FMO1: variants seen among roughly 807,000 people sequenced by gnomAD.
FMO1 encodes the protein flavin-containing monooxygenase 1.
Under a neutral mutation model 45.4 loss-of-function variants are expected in FMO1, and 36 were observed. That is an observed-to-expected ratio of 0.79 (90% confidence interval 0.61 to 1.05). FMO1 has a LOEUF of 1.05. Among genes scored for constraint, FMO1 ranks in the 50% least tolerant of loss-of-function variants. The pLI is 0.00. For synonymous variants in FMO1, 228 were observed against 227.2 expected (o/e 1.00, Z -0.03); for missense variants, 615 against 640.3 (o/e 0.96, Z 0.43).
intron 7 of FMO1, 65 bp downstream of exon 7, chr1:171,282,398 G>A: frequency 9.8e-7 from 1 of 1,022,156 alleles, no homozygotes. Flanking sequence ...TACTGGAAAT[G>A]TTGAGACTAT....
At position 171,279,243 on chromosome 1, in the gene FMO1, C is replaced by T. The variant is rs574156519; in HGVS notation, c.627+372C>T. ...TTCCTCTCCTTATTAATTACCAACA[C>T]CCTCATCAGGTCCATGCTACCTCAC... is the stretch of plus-strand genomic sequence containing the variant. On this transcript the variant is annotated intron_variant, in intron 5 of 8. Transcript: ENST00000617670. Among the ~76,000 whole-genome samples, 38 of 152,228 alleles carry T rather than the reference C, an allele frequency of 2.5e-4. No individual in the cohort carries two copies. The South Asian group carries it at 7.3e-3, about 29-fold the overall frequency.
chr1:171,279,079 C>A (rs555117239), intron 5 of FMO1, among the ~76,000 whole-genome samples: 3 of 147,216 alleles, frequency 2.0e-5, no homozygotes, highest in Non-Finnish European at 3.0e-5. Context: ...ACTTCTCTGA[C>A]TTCTTTTTAC....
intron 1 of FMO1, among the ~76,000 whole-genome samples, chr1:171,256,272 C>CAA (rs34529047): frequency 1.7e-3 from 131 of 77,988 alleles, no homozygotes; most frequent in Non-Finnish European, 2.4e-3. Context: ...GACTCCATCT[C>CAA]AAAAAAAAAA....
chr1:171,276,048 C>T (rs142624467), intron 4 of FMO1, among the ~76,000 whole-genome samples: 49 of 152,250 alleles, frequency 3.2e-4, no homozygotes, highest in African/African-American at 1.0e-3. Context: ...GTTTTCTTAT[C>T]GGCCTTTTGC....
chr1:171,270,246 G>C (rs1489766184), intron 3 of FMO1, among the ~76,000 whole-genome samples: 2 of 152,212 alleles, frequency 1.3e-5, no homozygotes, highest in South Asian at 4.1e-4. Flanking sequence ...TCTTCAGTTT[G>C]TAAATGTAAG....
intron 3 of FMO1, among the ~76,000 whole-genome samples, chr1:171,269,673 C>G (rs1260686109): frequency 2.0e-5 from 3 of 152,022 alleles, no homozygotes; most frequent in East Asian, 3.8e-4. Context: ...CACAAAATTG[C>G]CAAATTGTTC....
chr1:171,256,784 T>C (rs1660178666), intron 1 of FMO1, among the ~76,000 whole-genome samples: 1 of 152,154 alleles, frequency 6.6e-6, no homozygotes, highest in Admixed American at 6.6e-5. Flanking sequence ...ATATCCAGCT[T>C]TGAGAAGAGA....
At chr1:171,271,758 G>A in intron 3 of FMO1, 1 of 462,124 alleles carries the variant, frequency 2.2e-6, no homozygotes, top group Non-Finnish European at 3.8e-6. Flanking sequence ...AGGGTATCTG[G>A]CAGAAGAAAT....
At chr1:171,253,568 C>T (rs1660001102) in intron 1 of FMO1, among the ~76,000 whole-genome samples, 1 of 151,994 alleles carries the variant, frequency 6.6e-6, no homozygotes. Context: ...TCGAGACCAG[C>T]CTAACCGACA....
chr1:171,265,620 A>G (rs1232521633), intron 2 of FMO1, among the ~76,000 whole-genome samples: 1 of 152,250 alleles, frequency 6.6e-6, no homozygotes, highest in Admixed American at 6.5e-5. Context: ...ACAGAGAGTC[A>G]TCATTACCTT....
chr1:171,269,127 G>A (rs1223705151), intron 3 of FMO1, among the ~76,000 whole-genome samples: 1 of 152,142 alleles, frequency 6.6e-6, no homozygotes, highest in South Asian at 2.1e-4. Context: ...TAAATTGCCA[G>A]GTCTCTGGTA....
Position 171,275,473 on chromosome 1 carries a change from T to G in FMO1, c.449T>G (p.Leu150Arg). 1.2e-6 allele frequency: 2 copies of G among 1,613,062 alleles called. No individual in the cohort carries two copies. The highest frequency in any genetic ancestry group is 2.2e-5 in the East Asian group (1 of 44,826). Residue 150 changes from leucine (L) to arginine (R), a missense_variant, in exon 4 of 9, where the codon CTT becomes CGT. Transcript: ENST00000617670. ...GCTGTCATGGTCTGCACTGGCTTTC[T>G]TACTAATCCTTATTTGCCACTGGAT... is the stretch of plus-strand genomic sequence containing the variant. ...FDAVMVCTGFLTNPYLPLDSF... is the reference protein window; with the variant it reads ...FDAVMVCTGFRTNPYLPLDSF...
At chr1:171,259,763 A>G (rs534161892) in intron 2 of FMO1, among the ~76,000 whole-genome samples, 10 of 152,336 alleles carry the variant, frequency 6.6e-5, no homozygotes, top group African/African-American at 2.4e-4. Flanking sequence ...TCACTGATCT[A>G]AGAATCAAGA....
chr1:171,267,795 C>A, intron 3 of FMO1, 64 bp downstream of exon 3: 4 of 1,286,282 alleles, frequency 3.1e-6, no homozygotes, highest in Non-Finnish European at 4.4e-6. Flanking sequence ...CTTATCTCTC[C>A]AGCCTAGCCC....
chr1:171,282,103 A>C lies in FMO1; in HGVS notation c.953A>C (p.Lys318Thr). The C allele has an allele frequency of 1.9e-6, 3 of 1,613,898 alleles. No individual in the cohort carries two copies. In the South Asian group the frequency reaches 3.3e-5, roughly 18 times the overall value. Residue 318 changes from lysine to threonine, a missense_variant, in exon 7 of 9, where the codon AAG (lysine) becomes ACG (threonine). Physicochemically the swap from Lys to Thr is moderately conservative, Grantham distance 78. Coordinates refer to ENST00000617670, the MANE Select transcript of FMO1 (RefSeq NM_001282693.2). ...TCTGTCATATTTAACAATACTTCAA[A>C]GGAAGAGCCTATTGACATCATTGTC... ...ENSVIFNNTS[K>T]EEPIDIIVFA... is the part of the protein sequence containing the mutation.
At chr1:171,252,716 G>A (rs1659952793) in intron 1 of FMO1, among the ~76,000 whole-genome samples, 1 of 152,170 alleles carries the variant, frequency 6.6e-6, no homozygotes, top group Admixed American at 6.5e-5. Flanking sequence ...CAGGTGCACT[G>A]TGCTCACCAC....
intron 3 of FMO1, among the ~76,000 whole-genome samples, chr1:171,268,883 A>G (rs1350992488): frequency 6.6e-6 from 1 of 152,208 alleles, no homozygotes; most frequent in Admixed American, 6.5e-5. Context: ...GGAGGGACTC[A>G]GTGGGAGGTA....
At chr1:171,274,476 C>T (rs192535348) in intron 3 of FMO1, among the ~76,000 whole-genome samples, 3 of 151,826 alleles carry the variant, frequency 2.0e-5, no homozygotes, top group African/African-American at 7.3e-5. Context: ...GTTGCCCAGG[C>T]TACATATTTA....
chr1:171,262,712 G>A (rs576120966), intron 2 of FMO1, among the ~76,000 whole-genome samples: 3 of 152,108 alleles, frequency 2.0e-5, no homozygotes, highest in South Asian at 2.1e-4. Context: ...ACGTCTATTC[G>A]TATATTCAAT....
Sources: gnomAD v4.1 joint callset for allele counts (sites outside exome capture counted in the v4.1 genomes callset) on GRCh38, gnomAD v4.1.1 for gene constraint, MANE v1.5 for transcripts, NCBI Gene and HGNC (gene_info 2026-07-23, HGNC 2026-07-21) for gene names.